TMX3: variants seen among roughly 807,000 people sequenced by gnomAD.
The protein encoded by TMX3 is protein disulfide-isomerase TMX3.
A neutral mutation model predicts 64.4 loss-of-function variants in TMX3; 40 were observed. The observed-to-expected ratio is 0.62, with a 90% CI of 0.48 to 0.81. The LOEUF (loss-of-function observed/expected upper bound fraction) is 0.81, where lower values mean the gene tolerates loss of function less well. TMX3 is among the 30% of genes least tolerant of loss of function. The pLI is 0.00. For synonymous variants in TMX3, 189 were observed against 175.7 expected (o/e 1.08, Z -0.60); for missense variants, 497 against 534.5 (o/e 0.93, Z 0.69).
chr18:68,688,576 C>A (rs1914194579), intron 9 of TMX3: 1 of 152,102 alleles, frequency 6.6e-6, no homozygotes, highest in Admixed American at 6.6e-5. Flanking sequence ...TTAATGACCT[C>A]TTCAAAGGTA....
intron 12 of TMX3, among the ~76,000 whole-genome samples, chr18:68,683,677 T>C (rs1403470699): frequency 6.6e-6 from 1 of 152,136 alleles, no homozygotes; most frequent in African/African-American, 2.4e-5. Flanking sequence ...TCTCTTTTTT[T>C]AGCTTGCAGG....
chr18:68,688,021 G>T, intron 9 of TMX3: 1 of 238,842 alleles, frequency 4.2e-6, no homozygotes, highest in Non-Finnish European at 7.9e-6. Context: ...ATCCTAAATT[G>T]GAAATAATTT....
Position 68,714,918 on chromosome 18 carries a change from C to T in TMX3, c.46+18G>A. 6.4e-7 allele frequency: 1 copy of T among 1,554,546 alleles called. No homozygotes were observed. Among genetic ancestry groups the T allele is most frequent in the Non-Finnish European group, 8.7e-7 (1 of 1,149,424 alleles). On this transcript the variant is annotated intron_variant, in intron 1 of 15. Coordinates refer to ENST00000299608, the MANE Select transcript of TMX3 (RefSeq NM_019022.5). ...TCCCACGCGCCCGCCAGCGTCCCGACCGCTGAGCCCCCATTACCTGTGGCG... is the reference window on the plus strand; with the variant it reads ...TCCCACGCGCCCGCCAGCGTCCCGATCGCTGAGCCCCCATTACCTGTGGCG...
chr18:68,688,498 A>T (rs1914187503), intron 9 of TMX3: 1 of 152,198 alleles, frequency 6.6e-6, no homozygotes, highest in African/African-American at 2.4e-5. Context: ...ACAATTGCAT[A>T]AAAAAGGTGG....
At chr18:68,691,550 A>G (rs1032450929) in intron 8 of TMX3, among the ~76,000 whole-genome samples, 189 bp from the exon 9 acceptor site, 3 of 152,214 alleles carry the variant, frequency 2.0e-5, no homozygotes, top group Non-Finnish European at 4.4e-5. Flanking sequence ...ATCTTTTTAT[A>G]TATCCCCTTG....
Position 68,713,839 on chromosome 18 carries a change from T to C in TMX3, c.101+7A>G, listed in dbSNP as rs973082613. On this transcript the variant is annotated splice_region_variant and intron_variant, in intron 2 of 15. Transcript: ENST00000299608. ...ATAATATTTTAAATATATATATGTA[T>C]ACTCACGATTCATCTAAATCTTCTA... 1 of 1,432,398 alleles carries C rather than the reference T, an allele frequency of 7.0e-7. No individual in the cohort carries two copies. The highest frequency in any genetic ancestry group is 9.6e-7 in the Non-Finnish European group (1 of 1,036,662). The allele number at this position is 1,432,398 out of a possible 1,614,324, so 88.7% of individuals were successfully genotyped here.
intron 4 of TMX3, among the ~76,000 whole-genome samples, chr18:68,704,430 G>C (rs996730096): frequency 6.6e-6 from 1 of 151,996 alleles, no homozygotes; most frequent in African/African-American, 2.4e-5. Context: ...AGGTAATTCA[G>C]ATAAAGAAAC....
rs1383096816 is a variant in TMX3, at chr18:68,675,449, T to A, written c.*1484A>T. 6.6e-6 allele frequency: 1 copy of A among 152,168 alleles called. No individual in the cohort carries two copies. Among genetic ancestry groups the A allele is most frequent in the African/African-American group, 2.4e-5 (1 of 41,454 alleles). 9.4% of individuals were successfully genotyped at this position (152,168 alleles called of 1,614,324 possible). A position where few individuals can be genotyped will look rare whatever the true frequency, so the allele number is the denominator to read the frequency against. On this transcript the variant is annotated 3_prime_UTR_variant, in exon 16 of 16. Coordinates refer to ENST00000299608, the MANE Select transcript of TMX3 (RefSeq NM_019022.5). ...ACAATCACTAGTAATTCCTTAGTAC[T>A]TAAGATGCAAGTGTCCATACAGTCT...
intron 2 of TMX3, among the ~76,000 whole-genome samples, chr18:68,712,775 A>G (rs1425297701): frequency 6.6e-6 from 1 of 152,004 alleles, no homozygotes; most frequent in Admixed American, 6.6e-5. Context: ...AACTTCCTGT[A>G]AACAATCAGT....
Position 68,710,195 on chromosome 18 carries a change from T to C in TMX3, c.142-51A>G, listed in dbSNP as rs769686949. ...ACAAAAAAAGATAACCATTAAAATG[T>C]TGTGCTACAGTAAATATGAATCTTA... On this transcript the variant is annotated intron_variant, in intron 3 of 15. Transcript: ENST00000299608. 21 of 1,438,076 alleles carry C rather than the reference T, an allele frequency of 1.5e-5. No homozygotes were observed. In the Middle Eastern group the frequency reaches 5.4e-4, roughly 37 times the overall value. The allele number at this position is 1,438,076 out of a possible 1,614,324, so 89.1% of individuals were successfully genotyped here.
chr18:68,714,820 G>A, intron 1 of TMX3, 116 bp downstream of exon 1: 1 of 1,373,752 alleles, frequency 7.3e-7, no homozygotes, highest in Non-Finnish European at 9.8e-7. Context: ...CCGGGAATGG[G>A]TGGGCATCTC....
chr18:68,685,990 AAAT>A (rs1425851987), intron 10 of TMX3, among the ~76,000 whole-genome samples: 6 of 152,234 alleles, frequency 3.9e-5, no homozygotes, highest in Admixed American at 2.0e-4. Context: ...AAAAATGATA[AAAT>A]AATAGTAATA....
chr18:68,680,947 C>A, intron 14 of TMX3, 34 bp downstream of exon 14: 1 of 1,535,818 alleles, frequency 6.5e-7, no homozygotes, highest in South Asian at 1.3e-5. Context: ...ACCCCCTGTC[C>A]ATCATCTCTT....
At chr18:68,697,335 G>A in intron 7 of TMX3, 32 bp from the exon 8 acceptor site, 7 of 1,380,664 alleles carry the variant, frequency 5.1e-6, no homozygotes, top group Non-Finnish European at 6.9e-6. Flanking sequence ...AAAGATCATT[G>A]AAAAATATTA....
In TMX3 at chr18:68,699,008, C is replaced by T. The variant is rs556990314; in HGVS notation, c.393-977G>A. 2.7e-5 allele frequency among the ~76,000 whole-genome samples: 4 copies of T among 147,966 alleles called. No individual in the cohort carries two copies. In the East Asian group the frequency reaches 5.9e-4, roughly 22 times the overall value. On this transcript the variant is annotated intron_variant, in intron 6 of 15. Coordinates refer to ENST00000299608, the MANE Select transcript of TMX3 (RefSeq NM_019022.5). ...CTGCAGTCCAGCCTGGGCGAAAGAG[C>T]GAGACTCCGCCTCAAAAAAAAAAAA... is the stretch of plus-strand genomic sequence containing the variant.
chr18:68,714,911 G>A (rs369181680), intron 1 of TMX3, 25 bp downstream of exon 1: 1 of 1,551,340 alleles, frequency 6.4e-7, no homozygotes, highest in East Asian at 2.4e-5. Flanking sequence ...GCCCGCCAGC[G>A]TCCCGACCGC....
intron 4 of TMX3, among the ~76,000 whole-genome samples, chr18:68,707,644 T>C (rs905676132): frequency 6.6e-6 from 1 of 152,188 alleles, no homozygotes; most frequent in African/African-American, 2.4e-5. Flanking sequence ...CATTCCTTTA[T>C]ACATGACTCG....
intron 4 of TMX3, among the ~76,000 whole-genome samples, chr18:68,705,961 A>G (rs1218612479): frequency 2.0e-5 from 3 of 152,250 alleles, no homozygotes; most frequent in Admixed American, 6.5e-5. Flanking sequence ...AGAAATGTAT[A>G]TAAACTTGAT....
chr18:68,679,150 T>C (rs992303877), intron 15 of TMX3, among the ~76,000 whole-genome samples: 1 of 152,154 alleles, frequency 6.6e-6, no homozygotes, highest in Admixed American at 6.5e-5. Context: ...AATTTCATAT[T>C]ATCTGCACTT....
Sources: allele counts gnomAD v4.1 joint callset (sites outside exome capture counted in the v4.1 genomes callset), GRCh38; gene constraint gnomAD v4.1.1; transcripts MANE v1.5; gene names NCBI Gene and HGNC (gene_info 2026-07-23, HGNC 2026-07-21).